Variants in CNTNAP2 observed in about 807,000 individuals in gnomAD.
The protein encoded by CNTNAP2 is contactin-associated protein-like 2.
CNTNAP2 carries 98 observed loss-of-function variants against 155.2 expected under a neutral mutation model. The ratio of observed to expected loss-of-function variants is 0.63; its 90% CI spans 0.54 to 0.75. The LOEUF is 0.75. Among genes scored for constraint, CNTNAP2 ranks in the 30% least tolerant of loss-of-function variants. The pLI is 0.00. For missense variants in CNTNAP2, 1,727 were observed against 1,688.1 expected (o/e 1.02, Z -0.40); for synonymous variants, 651 against 631.2 (o/e 1.03, Z -0.47).
In CNTNAP2 at chr7:148,418,394, A is replaced by G. The variant is rs1800040577; in HGVS notation, c.*2778A>G. On this transcript the variant is annotated 3_prime_UTR_variant, in exon 24 of 24. Coordinates refer to ENST00000361727, the MANE Select transcript of CNTNAP2 (RefSeq NM_014141.6). Reference sequence around the variant, plus strand: ...CATTCCAATACATTATCAAGCAAGCACAAGTATGCTGGTAGTAGCCTCTTT... The same window carrying G: ...CATTCCAATACATTATCAAGCAAGCGCAAGTATGCTGGTAGTAGCCTCTTT... The G allele has an allele frequency of 6.6e-6, 1 of 152,218 alleles. No homozygotes were observed. The highest frequency in any genetic ancestry group is 2.1e-4 in the South Asian group (1 of 4,834). The allele number at this position is 152,218 out of a possible 1,614,324, so 9.4% of individuals were successfully genotyped here.
intron 18 of CNTNAP2, among the ~76,000 whole-genome samples, chr7:148,205,171 C>A (rs780683799): frequency 6.6e-6 from 1 of 152,196 alleles, no homozygotes; most frequent in East Asian, 1.9e-4. Flanking sequence ...CTACATGGCT[C>A]AGGCAGATCA....
At chr7:146,712,888 T>G (rs1227693280) in intron 1 of CNTNAP2, among the ~76,000 whole-genome samples, 3 of 151,994 alleles carry the variant, frequency 2.0e-5, no homozygotes, top group East Asian at 1.9e-4. Context: ...TTTTTTTGCC[T>G]TATATTTTTC....
intron 13 of CNTNAP2, among the ~76,000 whole-genome samples, chr7:147,835,947 G>C (rs1436072157): frequency 1.3e-5 from 2 of 152,210 alleles, no homozygotes; most frequent in Non-Finnish European, 2.9e-5. Context: ...TGGAGCTGTG[G>C]AGGGAGTGCA....
At chr7:146,548,356 C>G (rs1036338921) in intron 1 of CNTNAP2, among the ~76,000 whole-genome samples, 60 of 152,120 alleles carry the variant, frequency 3.9e-4, no homozygotes, top group South Asian at 6.2e-4. Flanking sequence ...TTTTCTTTAT[C>G]TGGTCTATCG....
chr7:147,304,023 G>A (rs76109948), intron 9 of CNTNAP2, among the ~76,000 whole-genome samples: 1,680 of 152,138 alleles, frequency 0.011, 31 homozygotes, highest in African/African-American at 0.038. Context: ...CCTTAAATAC[G>A]TCCACATTTT....
At chr7:147,913,874 CAT>C (rs1210133280) in intron 14 of CNTNAP2, among the ~76,000 whole-genome samples, 2 of 152,142 alleles carry the variant, frequency 1.3e-5, no homozygotes, top group African/African-American at 4.8e-5. Context: ...GGACTGGAAA[CAT>C]AACCTTTAGT....
At chr7:147,280,008 A>T (rs553707443) in intron 8 of CNTNAP2, among the ~76,000 whole-genome samples, 1 of 151,902 alleles carries the variant, frequency 6.6e-6, no homozygotes, top group Non-Finnish European at 1.5e-5. Context: ...ATGTAAAGTG[A>T]TCTTACAGTG....
intron 20 of CNTNAP2, among the ~76,000 whole-genome samples, chr7:148,256,785 C>T (rs1459164767): frequency 6.6e-6 from 1 of 152,166 alleles, no homozygotes; most frequent in African/African-American, 2.4e-5. Context: ...GGAGAGCCCC[C>T]AGACCCAGGC....
intron 1 of CNTNAP2, among the ~76,000 whole-genome samples, chr7:146,478,232 G>A (rs1796907856): frequency 6.6e-6 from 1 of 151,762 alleles, no homozygotes; most frequent in Non-Finnish European, 1.5e-5. Flanking sequence ...AGAAAGAGTG[G>A]AGAGACAAAA....
chr7:148,098,995 G>A (rs145389729), intron 15 of CNTNAP2, among the ~76,000 whole-genome samples: 266 of 152,282 alleles, frequency 1.7e-3, no homozygotes, highest in African/African-American at 6.1e-3. Flanking sequence ...AATGTCTTAA[G>A]AGCTCATGCT....
intron 18 of CNTNAP2, among the ~76,000 whole-genome samples, chr7:148,207,733 G>C (rs1410541448): frequency 6.6e-6 from 1 of 152,144 alleles, no homozygotes; most frequent in African/African-American, 2.4e-5. Flanking sequence ...GTTAGACTAG[G>C]ATGTAAGGCG....
chr7:148,227,570 C>G (rs2116774949), intron 19 of CNTNAP2, among the ~76,000 whole-genome samples: 2 of 152,246 alleles, frequency 1.3e-5, no homozygotes, highest in East Asian at 3.9e-4. Context: ...CAGGCTCCCT[C>G]TGGAATTCAC....
intron 20 of CNTNAP2, among the ~76,000 whole-genome samples, chr7:148,252,258 G>A (rs531674877): frequency 1.3e-5 from 2 of 152,224 alleles, no homozygotes; most frequent in South Asian, 4.2e-4. Context: ...AGTTTCTCAA[G>A]GAGAGAGATC....
At chr7:146,575,858 A>G (rs1798516141) in intron 1 of CNTNAP2, among the ~76,000 whole-genome samples, 1 of 152,226 alleles carries the variant, frequency 6.6e-6, no homozygotes, top group African/African-American at 2.4e-5. Context: ...AATATCAATA[A>G]TAACTGAAAT....
intron 3 of CNTNAP2, among the ~76,000 whole-genome samples, chr7:146,941,570 T>G (rs988176089): frequency 6.6e-6 from 1 of 152,164 alleles, no homozygotes; most frequent in African/African-American, 2.4e-5. Flanking sequence ...ACTTTGTATT[T>G]TCTCTTACCA....
At chr7:146,811,520 C>T (rs2129193850) in intron 2 of CNTNAP2, among the ~76,000 whole-genome samples, 1 of 151,846 alleles carries the variant, frequency 6.6e-6, no homozygotes, top group African/African-American at 2.4e-5. Context: ...CTTTGTTAGT[C>T]TTTTTTTCTT....
chr7:147,084,632 A>G (rs1800232011), intron 4 of CNTNAP2, among the ~76,000 whole-genome samples: 1 of 146,970 alleles, frequency 6.8e-6, no homozygotes, highest in South Asian at 2.1e-4. Context: ...ATATATGTAT[A>G]TACATGTATA....
rs1407797094 is a variant in CNTNAP2 at position 148,229,637 on chromosome 7, C to G, written c.3248-9C>G. On this transcript the variant is annotated splice_polypyrimidine_tract_variant and intron_variant, in intron 19 of 23. Transcript: ENST00000361727. ...AACAAATTACTGAGCTTTCTTTTTT[C>G]TTCTATAGGAAGCTTACAGATTCGA... 6.2e-7 allele frequency: 1 copy of G among 1,613,880 alleles called. No homozygotes were observed. Among genetic ancestry groups the G allele is most frequent in the African/African-American group, 1.3e-5 (1 of 74,900 alleles).
At chr7:147,700,375 T>C (rs2117003369) in intron 13 of CNTNAP2, among the ~76,000 whole-genome samples, 1 of 152,280 alleles carries the variant, frequency 6.6e-6, no homozygotes, top group East Asian at 1.9e-4. Context: ...CCCACAGTCA[T>C]AGAAGGTGAC....
Sources: gnomAD v4.1 joint callset for allele counts (sites outside exome capture counted in the v4.1 genomes callset) on GRCh38, gnomAD v4.1.1 for gene constraint, MANE v1.5 for transcripts, NCBI Gene and HGNC (gene_info 2026-07-23, HGNC 2026-07-21) for gene names.